The following TMEM272 variants were observed in gnomAD, a reference collection of about 807,000 sequenced individuals.
TMEM272 encodes the protein long intergenic non-protein coding RNA 282.
A neutral mutation model predicts 3.7 loss-of-function variants in TMEM272; 8 were observed. The observed-to-expected ratio is 2.17, with a 90% CI of 1.27 to 3.91. TMEM272 has a LOEUF of 3.91. Among genes scored for constraint, TMEM272 ranks in the 30% most tolerant of loss-of-function variants. TMEM272 has a pLI of 0.00. For synonymous variants in TMEM272, 63 were observed against 39.8 expected, an observed-to-expected ratio of 1.58 and a Z score of -2.20; for missense variants, 166 against 91.5, an observed-to-expected ratio of 1.81 and a Z score of -3.32.
At chr13:51,864,558 G>A in the TMEM272 span, among the ~76,000 whole-genome samples, 3 of 152,218 alleles carry the variant, frequency 2.0e-5, no homozygotes, top group Non-Finnish European at 4.4e-5. Context: ...CAGCCATGCT[G>A]TCTGCCATGT....
chr13:51,891,307 A>G, the TMEM272 span, among the ~76,000 whole-genome samples: 1 of 152,196 alleles, frequency 6.6e-6, no homozygotes, highest in Admixed American at 6.5e-5. Context: ...ATTTCAAATT[A>G]TTTCATTTGC....
the TMEM272 span, among the ~76,000 whole-genome samples, chr13:51,913,706 C>T: frequency 1.3e-5 from 2 of 152,188 alleles, no homozygotes; most frequent in Non-Finnish European, 2.9e-5. Context: ...AGGATTGGGC[C>T]AGCCAGGAAA....
chr13:51,830,978 A>G (rs185113459), intron 2 of TMEM272, among the ~76,000 whole-genome samples: 2 of 151,350 alleles, frequency 1.3e-5, no homozygotes, highest in African/African-American at 4.9e-5. Context: ...ACTCTTGCTT[A>G]AAGTCTAATG....
At chr13:51,923,049 G>A in the TMEM272 span, among the ~76,000 whole-genome samples, 1 of 152,180 alleles carries the variant, frequency 6.6e-6, no homozygotes, top group Non-Finnish European at 1.5e-5. Context: ...CCAGCTGCAG[G>A]GTGTGGTGCT....
At position 51,843,842 on chromosome 13, in the gene TMEM272, T is replaced by G. The variant is rs549717136; in HGVS notation, c.-24+1174A>C. On this transcript the variant is annotated intron_variant, in intron 1 of 4. Coordinates refer to ENST00000629372, the MANE Select transcript of TMEM272 (RefSeq NM_001351003.2). ...GTGATAATAAAGGGCACGATGGGAA[T>G]TAATCAATAATAATTGCCAAATGAT... Among the ~76,000 whole-genome samples the G allele has an allele frequency of 1.6e-4, 24 of 152,308 alleles. No homozygotes were observed. The South Asian group carries it at 5.0e-3, about 32-fold the overall frequency.
chr13:51,883,460 T>G, the TMEM272 span, among the ~76,000 whole-genome samples: 2 of 152,182 alleles, frequency 1.3e-5, no homozygotes, highest in African/African-American at 4.8e-5. Context: ...TGGGCAGCCC[T>G]CAGCTGTGAG....
At chr13:51,909,123 T>C in the TMEM272 span, 5 of 1,453,532 alleles carry the variant, frequency 3.4e-6, no homozygotes, top group Non-Finnish European at 4.8e-6. Flanking sequence ...ATCAAGTGCA[T>C]AAGGATCTTT....
rs566655265 is a variant in TMEM272, at chr13:51,818,645, T to C, written c.202-1532A>G. Among the ~76,000 whole-genome samples the C allele has an allele frequency of 4.6e-5, 7 of 152,282 alleles. No individual in the cohort carries two copies. The South Asian group carries it at 8.3e-4, about 18-fold the overall frequency. ...GGGCGCAGGACCAAAACTGGAGCCA[T>C]TGGGCCAAAATGTCAACAGCAATTT... On this transcript the variant is annotated intron_variant, in intron 4 of 4. Coordinates refer to ENST00000629372, the MANE Select transcript of TMEM272 (RefSeq NM_001351003.2).
At chr13:51,931,028 A>C in the TMEM272 span, among the ~76,000 whole-genome samples, 27 of 152,328 alleles carry the variant, frequency 1.8e-4, no homozygotes, top group South Asian at 5.2e-3. Flanking sequence ...TTCTTCACTA[A>C]GGTCTTAAAA....
intron 3 of TMEM272, among the ~76,000 whole-genome samples, chr13:51,825,426 GT>G (rs1956116105): frequency 6.6e-6 from 1 of 152,150 alleles, no homozygotes; most frequent in African/African-American, 2.4e-5. Flanking sequence ...TGGATTCACA[GT>G]GTTGTGCAAC....
At chr13:51,921,715 A>ACCTACCTT in the TMEM272 span, 4 of 152,314 alleles carry the variant, frequency 2.6e-5, no homozygotes, top group Admixed American at 2.0e-4. Flanking sequence ...ATAAGGGGAT[A>ACCTACCTT]ATGGTCTGCT....
chr13:51,889,114 T>C, the TMEM272 span, among the ~76,000 whole-genome samples: 1 of 152,240 alleles, frequency 6.6e-6, no homozygotes, highest in East Asian at 1.9e-4. Context: ...TTTTCGTTAT[T>C]ACTGGTGGTT....
At chr13:51,821,768 C>T (rs748182426) in intron 4 of TMEM272, among the ~76,000 whole-genome samples, 6 of 150,564 alleles carry the variant, frequency 4.0e-5, no homozygotes, top group Non-Finnish European at 8.8e-5. Flanking sequence ...GTATAACTGG[C>T]AGTCAGGGAC....
At chr13:51,929,431 C>T in the TMEM272 span, among the ~76,000 whole-genome samples, 1 of 152,180 alleles carries the variant, frequency 6.6e-6, no homozygotes, top group African/African-American at 2.4e-5. Flanking sequence ...CCATGTTTTC[C>T]TTCTGATACT....
At chr13:51,860,742 TATATATATATACACACA>T in the TMEM272 span, among the ~76,000 whole-genome samples, 1,814 of 7,818 alleles carry the variant, frequency 0.23, 41 homozygotes, top group African/African-American at 0.4. Flanking sequence ...TGTGTGTGTA[TATATATATATACACACA>T]CACACACTTT....
the TMEM272 span, among the ~76,000 whole-genome samples, chr13:51,871,164 G>A: frequency 1.3e-5 from 2 of 150,224 alleles, no homozygotes; most frequent in African/African-American, 4.9e-5. Flanking sequence ...TGTGACCAAT[G>A]GAATAATAAG....
At chr13:51,851,577 T>G in the TMEM272 span, among the ~76,000 whole-genome samples, 1 of 141,246 alleles carries the variant, frequency 7.1e-6, no homozygotes, top group East Asian at 2.0e-4. Context: ...CAGGCTAGAG[T>G]GCAGTGGCAT....
chr13:51,909,609 A>C, the TMEM272 span: 1 of 1,286,560 alleles, frequency 7.8e-7, no homozygotes, highest in Non-Finnish European at 1.1e-6. Flanking sequence ...CAGATAACTG[A>C]ATATAAATTG....
the TMEM272 span, among the ~76,000 whole-genome samples, chr13:51,890,973 C>T: frequency 1.3e-4 from 20 of 152,160 alleles, no homozygotes; most frequent in Non-Finnish European, 2.2e-4. Flanking sequence ...GAATGTTGTA[C>T]ACAAGTCTGT....
Sources: gnomAD v4.1 joint callset for allele counts (sites outside exome capture counted in the v4.1 genomes callset) on GRCh38, gnomAD v4.1.1 for gene constraint, MANE v1.5 for transcripts, NCBI Gene and HGNC (gene_info 2026-07-23, HGNC 2026-07-21) for gene names.